TCF4: variants seen among roughly 807,000 people sequenced by gnomAD.
TCF4 encodes the protein transcription factor 4, also known as SL3-3 enhancer factor 2.
A neutral mutation model predicts 82.1 loss-of-function variants in TCF4; 3 were observed. The ratio of observed to expected loss-of-function variants is 0.04; its 90% CI spans 0.02 to 0.09. The LOEUF (loss-of-function observed/expected upper bound fraction) is 0.09. Ranked by LOEUF, TCF4 falls within the 10% of genes least tolerant of loss-of-function variation. The probability of loss-of-function intolerance (pLI) is 1.00; values close to 1 mark genes in which losing one functional copy is unlikely to be tolerated. For synonymous variants in TCF4, 276 were observed against 309.6 expected, an observed-to-expected ratio of 0.89 and a Z score of 1.14; for missense variants, 518 against 852.7, an observed-to-expected ratio of 0.61 and a Z score of 4.89.
Position 55,366,880 on chromosome 18 carries a change from T to C in TCF4, c.370-15877A>G, listed in dbSNP as rs1603380445. Among the ~76,000 whole-genome samples, 6 of 152,366 alleles carry C rather than the reference T, an allele frequency of 3.9e-5. No homozygotes were observed. In the South Asian group the frequency reaches 1.2e-3, roughly 32 times the overall value. On this transcript the variant is annotated intron_variant, in intron 6 of 19. Coordinates refer to ENST00000354452, the MANE Select transcript of TCF4 (RefSeq NM_001083962.2). ...GAGCATGCTTATACACAAATTTCCA[T>C]ATTTCCATATACATATACATTTCCA...
At position 55,275,882 on chromosome 18, in the gene TCF4, T is replaced by A. The variant is rs1036015847; in HGVS notation, c.656-130A>T. On this transcript the variant is annotated intron_variant, in intron 9 of 19. Coordinates refer to ENST00000354452, the MANE Select transcript of TCF4 (RefSeq NM_001083962.2). Reference sequence around the variant, plus strand: ...TCTTTGTGTTGGTTAGCTGATTACATCAGAAGACAGTCATCATTTCTTCCC... The same window carrying A: ...TCTTTGTGTTGGTTAGCTGATTACAACAGAAGACAGTCATCATTTCTTCCC... 1.3e-5 allele frequency: 15 copies of A among 1,150,466 alleles called. No homozygotes were observed. The Admixed American group carries it at 1.6e-4, about 12-fold the overall frequency. The allele number at this position is 1,150,466 out of a possible 1,614,324, so 71.3% of individuals were successfully genotyped here.
chr18:55,527,555 A>G (rs2146633380), intron 3 of TCF4, among the ~76,000 whole-genome samples: 1 of 152,334 alleles, frequency 6.6e-6, no homozygotes. Flanking sequence ...CAACAAGGTG[A>G]CATGTCAAAC....
At chr18:55,425,464 TA>T (rs2094939947) in intron 5 of TCF4, among the ~76,000 whole-genome samples, 1 of 151,108 alleles carries the variant, frequency 6.6e-6, no homozygotes, top group Non-Finnish European at 1.5e-5. Flanking sequence ...ATGGATCCTA[TA>T]ATTTTTATGC....
intron 2 of TCF4, among the ~76,000 whole-genome samples, chr18:55,622,042 C>CTATATATAATATATATACACTG (rs1467694732): frequency 3.8e-5 from 5 of 133,028 alleles, no homozygotes; most frequent in African/African-American, 1.4e-4. Context: ...TATATATACA[C>CTATATATAATATATATACACTG]TATATATAAT....
intron 15 of TCF4, among the ~76,000 whole-genome samples, chr18:55,251,152 A>G (rs533756853): frequency 5.3e-5 from 8 of 152,314 alleles, no homozygotes; most frequent in African/African-American, 1.4e-4. Flanking sequence ...GGCTTTCGGT[A>G]AATGGTAATA....
chr18:55,355,790 CAAAT>C (rs1174041370), intron 6 of TCF4, among the ~76,000 whole-genome samples: 2 of 152,168 alleles, frequency 1.3e-5, no homozygotes, highest in Non-Finnish European at 2.9e-5. Context: ...CAGAGAAATA[CAAAT>C]TACTGAAATT....
At chr18:55,245,778 C>T (rs1192149002) in intron 15 of TCF4, among the ~76,000 whole-genome samples, 3 of 151,076 alleles carry the variant, frequency 2.0e-5, no homozygotes, top group East Asian at 1.9e-4. Flanking sequence ...CTTTTCCTAG[C>T]GGTCTGAATT....
chr18:55,378,829 A>G (rs2091365327), intron 6 of TCF4, among the ~76,000 whole-genome samples: 1 of 152,250 alleles, frequency 6.6e-6, no homozygotes, highest in South Asian at 2.1e-4. Flanking sequence ...TGCTTTCCAC[A>G]CTTGGACGCA....
intron 8 of TCF4, among the ~76,000 whole-genome samples, chr18:55,292,898 T>C (rs1024396806): frequency 3.3e-5 from 5 of 152,126 alleles, no homozygotes; most frequent in African/African-American, 9.7e-5. Flanking sequence ...TATGTGTGTA[T>C]AGCATATATG....
chr18:55,284,840 C>T (rs1354383128), intron 8 of TCF4, among the ~76,000 whole-genome samples: 1 of 152,178 alleles, frequency 6.6e-6, no homozygotes, highest in Non-Finnish European at 1.5e-5. Context: ...CACAGATATC[C>T]TCAACTGTGA....
At chr18:55,264,195 A>G (rs751745648) in intron 11 of TCF4, among the ~76,000 whole-genome samples, 11 of 152,130 alleles carry the variant, frequency 7.2e-5, no homozygotes, top group Admixed American at 1.3e-4. Context: ...ATGCAGGGAG[A>G]TATTATGACT....
rs1055665608 is a variant in TCF4, at chr18:55,588,026, G to A, written c.-21+12C>T. 2 of 981,776 alleles carry A rather than the reference G, an allele frequency of 2.0e-6. No individual in the cohort carries two copies. Among genetic ancestry groups the A allele is most frequent in the Non-Finnish European group, 2.4e-6 (2 of 828,498 alleles). The allele number at this position is 981,776 out of a possible 1,614,324, so 60.8% of individuals were successfully genotyped here. A position where few individuals can be genotyped will look rare whatever the true frequency, so the allele number is the denominator to read the frequency against. ...CTCCGCCCCGCCGAGCCCCGCAGGC[G>A]CCGGTACCTACCGCCCGCGCGCGAG... On this transcript the variant is annotated intron_variant, in intron 1 of 19. Coordinates refer to ENST00000354452, the MANE Select transcript of TCF4 (RefSeq NM_001083962.2).
chr18:55,547,693 G>A (rs1299377874), intron 3 of TCF4, among the ~76,000 whole-genome samples: 2 of 152,112 alleles, frequency 1.3e-5, no homozygotes, highest in Non-Finnish European at 2.9e-5. Flanking sequence ...TGTTTGAAAC[G>A]TTGTAAGAAA....
intron 2 of TCF4, among the ~76,000 whole-genome samples, chr18:55,606,315 T>C (rs1194404891): frequency 2.0e-5 from 3 of 152,322 alleles, no homozygotes; most frequent in African/African-American, 7.2e-5. Context: ...CCCATTACTT[T>C]TGAGAGTGTG....
chr18:55,315,506 A>G (rs1377960774), intron 8 of TCF4, among the ~76,000 whole-genome samples: 2 of 152,178 alleles, frequency 1.3e-5, no homozygotes, highest in African/African-American at 4.8e-5. Context: ...TTTGGAACCA[A>G]GTCATGGATC....
rs1438085988 is a variant in TCF4, at chr18:55,484,925, A to T, written c.146-20788T>A. Among the ~76,000 whole-genome samples, 4 of 152,212 alleles carry T rather than the reference A, an allele frequency of 2.6e-5. 1 individual carries two copies. The highest frequency in any genetic ancestry group is 2.6e-4 in the Admixed American group (4 of 15,282). On this transcript the variant is annotated intron_variant, in intron 3 of 19. Transcript: ENST00000354452. Reference sequence around the variant, plus strand: ...CCACTCCTCCTAGTGGATCAGGAACAGGTGACCTCATTTCCAGTTCCAGAG... The same window carrying T: ...CCACTCCTCCTAGTGGATCAGGAACTGGTGACCTCATTTCCAGTTCCAGAG...
chr18:55,327,566 T>C (rs1483247936), intron 8 of TCF4, among the ~76,000 whole-genome samples: 1 of 152,160 alleles, frequency 6.6e-6, no homozygotes, highest in African/African-American at 2.4e-5. Context: ...TGGGTTCATA[T>C]GTAGACATTC....
chr18:55,332,580 C>T (rs941004861), intron 8 of TCF4, among the ~76,000 whole-genome samples: 1 of 152,186 alleles, frequency 6.6e-6, no homozygotes, highest in Non-Finnish European at 1.5e-5. Context: ...TAAAGCATTA[C>T]AAAATGAACT....
chr18:55,344,298 G>C (rs113618931), intron 8 of TCF4, among the ~76,000 whole-genome samples: 26 of 152,170 alleles, frequency 1.7e-4, no homozygotes, highest in African/African-American at 5.3e-4. Context: ...TTAAAAAATG[G>C]TATTCAATCA....
Sources: allele counts gnomAD v4.1 joint callset (sites outside exome capture counted in the v4.1 genomes callset), GRCh38; gene constraint gnomAD v4.1.1; transcripts MANE v1.5; gene names NCBI Gene and HGNC (gene_info 2026-07-23, HGNC 2026-07-21).